ATXN3: variants seen among roughly 807,000 people sequenced by gnomAD.
The protein encoded by ATXN3 is ataxin-3.
A neutral mutation model predicts 58.2 loss-of-function variants in ATXN3; 28 were observed. The observed-to-expected ratio is 0.48, with a 90% CI of 0.36 to 0.66. ATXN3 has a LOEUF of 0.66. ATXN3 is among the 30% of genes least tolerant of loss of function. ATXN3 has a pLI of 0.00. For missense variants in ATXN3, 321 were observed against 422.1 expected (o/e 0.76, Z 2.10); for synonymous variants, 113 against 138.5 (o/e 0.82, Z 1.29).
At chr14:92,080,641 C>A (rs930051265) in intron 9 of ATXN3, 19 of 342,430 alleles carry the variant, frequency 5.5e-5, no homozygotes, top group Non-Finnish European at 8.6e-5. Flanking sequence ...TCAAGCAATT[C>A]TCCTGGCTCA....
intron 1 of ATXN3, among the ~76,000 whole-genome samples, chr14:92,103,047 T>C (rs2067205209): frequency 6.6e-6 from 1 of 150,974 alleles, no homozygotes; most frequent in Admixed American, 6.6e-5. Flanking sequence ...CCAGTTTGCA[T>C]TACATTAAAA....
chr14:92,092,091 C>A (rs74071876), intron 5 of ATXN3, among the ~76,000 whole-genome samples: 1 of 141,010 alleles, frequency 7.1e-6, no homozygotes, highest in African/African-American at 2.7e-5. Flanking sequence ...TTTCCCGTGC[C>A]TCTCTGTAAC....
At chr14:92,101,692 T>C (rs2141277288) in intron 1 of ATXN3, among the ~76,000 whole-genome samples, 1 of 152,120 alleles carries the variant, frequency 6.6e-6, no homozygotes, top group East Asian at 1.9e-4. Context: ...ACCCCGCCTC[T>C]ACTAAAAATA....
chr14:92,079,793 A>G (rs1335881136), intron 9 of ATXN3, among the ~76,000 whole-genome samples: 2 of 152,138 alleles, frequency 1.3e-5, no homozygotes, highest in East Asian at 3.9e-4. Context: ...GCTGGAGTGC[A>G]ATGGCGTTAT....
chr14:92,066,923 C>T (rs2058560436), intron 10 of ATXN3, among the ~76,000 whole-genome samples: 1 of 152,058 alleles, frequency 6.6e-6, no homozygotes, highest in Non-Finnish European at 1.5e-5. Flanking sequence ...GTGCGTGCCA[C>T]CACACCTGGC....
intron 3 of ATXN3, among the ~76,000 whole-genome samples, chr14:92,094,599 G>A (rs10220696): frequency 0.28 from 43,029 of 152,068 alleles, 6,438 homozygotes; most frequent in East Asian, 0.44. Flanking sequence ...TGGGCTTGCC[G>A]CTTGTAGAAA....
chr14:92,075,213 G>A (rs1566932813), intron 9 of ATXN3, among the ~76,000 whole-genome samples: 1 of 134,450 alleles, frequency 7.4e-6, no homozygotes, highest in African/African-American at 2.8e-5. Context: ...CGCCTAGGCT[G>A]TAGTGCAATG....
downstream of ATXN3, among the ~76,000 whole-genome samples, chr14:92,057,629 T>G (rs181582070): frequency 0.02 from 3,045 of 150,084 alleles, 114 homozygotes; most frequent in African/African-American, 0.071. Flanking sequence ...GTAATGTTAT[T>G]ATGTTTCAAA....
rs1403829852 is a variant in ATXN3, at chr14:92,060,266, A to ATTTTTT, written c.*4053_*4054insAAAAAA. 1 of 84,892 alleles carries ATTTTTT rather than the reference A, an allele frequency of 1.2e-5. No homozygotes were observed. Among genetic ancestry groups the ATTTTTT allele is most frequent in the African/African-American group, 4.6e-5 (1 of 21,704 alleles). The allele number at this position is 84,892 out of a possible 1,614,324, so 5.3% of individuals were successfully genotyped here. On this transcript the variant is annotated 3_prime_UTR_variant, in exon 11 of 11. Transcript: ENST00000644486. Reference sequence around the variant, plus strand: ...TATACACACATATATATATATATATATATATTTTTTTTTTTCAGAAACAGT... The same window carrying ATTTTTT: ...TATACACACATATATATATATATATATTTTTTTATATTTTTTTTTTTCAGAAACAGT...
chr14:92,075,508 T>G (rs7152876), intron 9 of ATXN3, among the ~76,000 whole-genome samples: 1 of 152,076 alleles, frequency 6.6e-6, no homozygotes, highest in Non-Finnish European at 1.5e-5. Flanking sequence ...GATTACTTTA[T>G]GCATTTATGC....
chr14:92,062,057 A>C lies in ATXN3; in HGVS notation c.*2263T>G, dbSNP rs879883845. Reference sequence around the variant, plus strand: ...GATCACCTGAGGTCAGGAGTTCGAGACCAGCCTGGCCAAACATGATGAAAC... The same window carrying C: ...GATCACCTGAGGTCAGGAGTTCGAGCCCAGCCTGGCCAAACATGATGAAAC... On this transcript the variant is annotated 3_prime_UTR_variant, in exon 11 of 11. Coordinates refer to ENST00000644486, the MANE Select transcript of ATXN3 (RefSeq NM_004993.6). 6.6e-6 allele frequency: 1 copy of C among 152,292 alleles called. No homozygotes were observed. The highest frequency in any genetic ancestry group is 1.5e-5 in the Non-Finnish European group (1 of 68,112). 9.4% of individuals were successfully genotyped at this position (152,292 alleles called of 1,614,324 possible).
rs1213242103 is a variant in ATXN3, at chr14:92,080,862, C to A, written c.872+103G>T. On this transcript the variant is annotated intron_variant, in intron 9 of 10. Coordinates refer to ENST00000644486, the MANE Select transcript of ATXN3 (RefSeq NM_004993.6). Reference sequence around the variant, plus strand: ...ATTTGCTGTAAATTTTTAAAAAATACATTCAAATATTCACAGGATTCAGGC... The same window carrying A: ...ATTTGCTGTAAATTTTTAAAAAATAAATTCAAATATTCACAGGATTCAGGC... 3 of 970,898 alleles carry A rather than the reference C, an allele frequency of 3.1e-6. No homozygotes were observed. In the South Asian group the frequency reaches 4.1e-5, roughly 13 times the overall value. The allele number at this position is 970,898 out of a possible 1,614,324, so 60.1% of individuals were successfully genotyped here. A position where few individuals can be genotyped will look rare whatever the true frequency, so the allele number is the denominator to read the frequency against.
At chr14:92,070,641 G>A (rs746711349) in intron 10 of ATXN3, 84 of 787,754 alleles carry the variant, frequency 1.1e-4, no homozygotes, top group Non-Finnish European at 1.5e-4. Flanking sequence ...TTACTGTGAA[G>A]TTTAAATTAT....
chr14:92,066,980 G>A (rs559329531), intron 10 of ATXN3, among the ~76,000 whole-genome samples: 24 of 152,102 alleles, frequency 1.6e-4, no homozygotes, highest in African/African-American at 5.8e-4. Flanking sequence ...ATGTTGGCCA[G>A]GCTGGTCTCG....
chr14:92,057,444 C>T (rs1046245782), downstream of ATXN3, among the ~76,000 whole-genome samples: 8 of 95,662 alleles, frequency 8.4e-5, no homozygotes, highest in South Asian at 3.5e-4. Flanking sequence ...GGAGGGGGCG[C>T]GGGGGTGGAC....
At chr14:92,081,334 G>A (rs982766416) in intron 8 of ATXN3, among the ~76,000 whole-genome samples, 7 of 148,200 alleles carry the variant, frequency 4.7e-5, no homozygotes, top group East Asian at 2.1e-4. Context: ...TTAGCTGGGC[G>A]TGGTGGTAGG....
At chr14:92,091,516 ATTTGATTTGGGTGACTT>A in intron 5 of ATXN3, among the ~76,000 whole-genome samples, 5 of 152,098 alleles carry the variant, frequency 3.3e-5, no homozygotes, top group African/African-American at 1.2e-4. Flanking sequence ...CTTTTCCCAA[ATTTGATTTGGGTGACTT>A]AAAAGATAAC....
intron 10 of ATXN3, 190 bp downstream of exon 10, chr14:92,070,744 CT>C (rs774529009): frequency 0.16 from 149,842 of 939,096 alleles, 20 homozygotes; most frequent in Non-Finnish European, 0.17. Flanking sequence ...CCACATCTAG[CT>C]TTTTTTTTTT....
intron 10 of ATXN3, among the ~76,000 whole-genome samples, chr14:92,066,036 G>A (rs75271164): frequency 0.28 from 42,902 of 151,512 alleles, 6,407 homozygotes; most frequent in African/African-American, 0.38. Context: ...CAAGCAATCT[G>A]CTTGCCTCAG....
Sources: allele counts gnomAD v4.1 joint callset (sites outside exome capture counted in the v4.1 genomes callset), GRCh38; gene constraint gnomAD v4.1.1; transcripts MANE v1.5; gene names NCBI Gene and HGNC (gene_info 2026-07-23, HGNC 2026-07-21).